OLFM3: variants seen among roughly 807,000 people sequenced by gnomAD.
The protein encoded by OLFM3 is olfactomedin 3, also known as noelin-3.
Under a neutral mutation model 48.6 loss-of-function variants are expected in OLFM3, and 20 were observed. That is an observed-to-expected ratio of 0.41 (90% CI 0.29 to 0.60). OLFM3 has a LOEUF of 0.60. OLFM3 is among the 20% of genes least tolerant of loss of function. The pLI, the probability that OLFM3 is intolerant of heterozygous loss-of-function variation, is 0.28. For synonymous variants in OLFM3, 222 were observed against 198.1 expected (o/e 1.12, Z -1.01); for missense variants, 437 against 544.3 (o/e 0.80, Z 1.96).
chr1:101,919,926 C>T (rs1659042938), intron 1 of OLFM3, among the ~76,000 whole-genome samples: 1 of 152,188 alleles, frequency 6.6e-6, no homozygotes, highest in South Asian at 2.1e-4. Flanking sequence ...GTAATGTTCT[C>T]TATCTCAGTA....
intron 4 of OLFM3, among the ~76,000 whole-genome samples, chr1:101,822,665 G>A (rs1237389776): frequency 2.0e-5 from 3 of 152,100 alleles, no homozygotes; most frequent in Non-Finnish European, 4.4e-5. Context: ...ATATTGTTGA[G>A]GACACTGGGT....
intron 1 of OLFM3, among the ~76,000 whole-genome samples, chr1:101,951,637 G>A (rs1454752477): frequency 6.6e-6 from 1 of 152,076 alleles, no homozygotes; most frequent in Admixed American, 6.5e-5. Context: ...GCCAAAAAAA[G>A]GAAAGGTCAG....
intron 1 of OLFM3, among the ~76,000 whole-genome samples, chr1:101,959,803 C>T (rs1286348975): frequency 6.6e-6 from 1 of 152,116 alleles, no homozygotes; most frequent in Non-Finnish European, 1.5e-5. Flanking sequence ...CTGCAGGTTG[C>T]TGATATGTCA....
intron 1 of OLFM3, among the ~76,000 whole-genome samples, chr1:101,908,256 C>T (rs1298234044): frequency 6.6e-6 from 1 of 152,158 alleles, no homozygotes; most frequent in Non-Finnish European, 1.5e-5. Context: ...GGAATTAAAT[C>T]CTTTCTCAAC....
At chr1:101,818,196 T>C (rs930313112) in intron 4 of OLFM3, among the ~76,000 whole-genome samples, 1 of 152,126 alleles carries the variant, frequency 6.6e-6, no homozygotes, top group Non-Finnish European at 1.5e-5. Context: ...AATGACAACT[T>C]GTGTTATGAA....
At chr1:101,942,869 A>C (rs1267288715) in intron 1 of OLFM3, among the ~76,000 whole-genome samples, 1 of 152,222 alleles carries the variant, frequency 6.6e-6, no homozygotes, top group Non-Finnish European at 1.5e-5. Flanking sequence ...GCCTTTTAGC[A>C]ATTAGATCAT....
intron 1 of OLFM3, 105 bp from the exon 2 acceptor site, chr1:101,837,130 TTG>T: frequency 8.4e-7 from 1 of 1,191,986 alleles, no homozygotes; most frequent in Non-Finnish European, 1.2e-6. Flanking sequence ...TAATTTAACT[TTG>T]TGTTTTCAAT....
At chr1:101,974,683 C>A (rs928654282) in intron 1 of OLFM3, among the ~76,000 whole-genome samples, 2 of 152,104 alleles carry the variant, frequency 1.3e-5, no homozygotes, top group African/African-American at 4.8e-5. Context: ...TGCTACATAA[C>A]CCTACAACCA....
intron 1 of OLFM3, among the ~76,000 whole-genome samples, chr1:101,897,629 T>C (rs940159354): frequency 1.3e-5 from 2 of 152,182 alleles, no homozygotes; most frequent in Non-Finnish European, 2.9e-5. Context: ...TAATGAACCA[T>C]ACATTATGAA....
chr1:101,884,843 C>T (rs764626467), intron 1 of OLFM3, among the ~76,000 whole-genome samples: 13 of 151,972 alleles, frequency 8.6e-5, no homozygotes, highest in Non-Finnish European at 1.8e-4. Context: ...CACCCGCAAC[C>T]CCATGAGTTC....
chr1:101,816,590 G>A (rs1654348489), intron 4 of OLFM3, among the ~76,000 whole-genome samples: 1 of 152,164 alleles, frequency 6.6e-6, no homozygotes, highest in African/African-American at 2.4e-5. Flanking sequence ...AGGAAGCCTG[G>A]TTTCAAATCT....
At chr1:101,887,570 A>C (rs1290937790) in intron 1 of OLFM3, among the ~76,000 whole-genome samples, 1 of 152,062 alleles carries the variant, frequency 6.6e-6, no homozygotes, top group African/African-American at 2.4e-5. Flanking sequence ...GGGAACAGGC[A>C]GTCTGTTATG....
intron 4 of OLFM3, among the ~76,000 whole-genome samples, chr1:101,817,471 C>A (rs926806929): frequency 6.6e-6 from 1 of 152,112 alleles, no homozygotes; most frequent in South Asian, 2.1e-4. Context: ...GACTTTTGGA[C>A]TTTAAATTTC....
intron 1 of OLFM3, among the ~76,000 whole-genome samples, chr1:101,958,735 T>C (rs1474279023): frequency 2.0e-5 from 3 of 151,812 alleles, no homozygotes; most frequent in Middle Eastern, 6.8e-3. Flanking sequence ...TCCTCTCAAA[T>C]AGAGTGGGTA....
chr1:101,916,399 T>C (rs58901303), intron 1 of OLFM3, among the ~76,000 whole-genome samples: 65,344 of 151,406 alleles, frequency 0.43, 14,169 homozygotes, highest in East Asian at 0.59. Context: ...ATAATGTCTC[T>C]CCTTTTTTTT....
intron 1 of OLFM3, among the ~76,000 whole-genome samples, chr1:101,897,741 C>A (rs1570610908): frequency 6.6e-6 from 1 of 151,970 alleles, no homozygotes; most frequent in African/African-American, 2.4e-5. Context: ...TGAAATAAAT[C>A]TAGGTTTGAT....
At chr1:101,893,129 G>A (rs116598506) in intron 1 of OLFM3, 2,667 of 216,074 alleles carry the variant, frequency 0.012, 24 homozygotes, top group Non-Finnish European at 0.018. Flanking sequence ...AGAGTAAAAG[G>A]AAATGTAAAA....
At chr1:101,994,720 T>A (rs903091652) in intron 1 of OLFM3, among the ~76,000 whole-genome samples, 14 of 151,738 alleles carry the variant, frequency 9.2e-5, no homozygotes, top group African/African-American at 2.4e-5. Flanking sequence ...TTGAAAGTTT[T>A]AATATTCTCT....
chr1:101,953,790 G>C (rs1364160856), intron 1 of OLFM3, among the ~76,000 whole-genome samples: 1 of 152,080 alleles, frequency 6.6e-6, no homozygotes, highest in Non-Finnish European at 1.5e-5. Flanking sequence ...GGGCCCAGCA[G>C]GTACTGTGAC....
Sources: allele counts gnomAD v4.1 joint callset (sites outside exome capture counted in the v4.1 genomes callset), GRCh38; gene constraint gnomAD v4.1.1; transcripts MANE v1.5; gene names NCBI Gene and HGNC (gene_info 2026-07-23, HGNC 2026-07-21).